Variants in CLEC16A observed in about 807,000 individuals in gnomAD.
CLEC16A encodes the protein C-type lectin domain containing 16A, also known as protein CLEC16A.
Under a neutral mutation model 109.5 loss-of-function variants are expected in CLEC16A, and 51 were observed. The observed-to-expected ratio is 0.47, with a 90% CI of 0.37 to 0.59. The LOEUF (loss-of-function observed/expected upper bound fraction) is 0.59, where lower values mean the gene tolerates loss of function less well. Ranked by LOEUF, CLEC16A falls within the 20% of genes least tolerant of loss-of-function variation. The probability of loss-of-function intolerance (pLI) is 0.00; values close to 1 mark genes in which losing one functional copy is unlikely to be tolerated. For missense variants in CLEC16A, 1,339 were observed against 1,394.0 expected (o/e 0.96, Z 0.63); for synonymous variants, 673 against 564.2 (o/e 1.19, Z -2.73).
chr16:10,957,362 G>A (rs1448191939), intron 1 of CLEC16A, among the ~76,000 whole-genome samples: 1 of 152,248 alleles, frequency 6.6e-6, no homozygotes, highest in East Asian at 1.9e-4. Flanking sequence ...TCCAGCCTGA[G>A]CTGTATGTCC....
chr16:10,998,579 TTTGGGTGAGC>T, intron 10 of CLEC16A, among the ~76,000 whole-genome samples: 1 of 152,338 alleles, frequency 6.6e-6, no homozygotes, highest in South Asian at 2.1e-4. Context: ...TTCTGGTTAG[TTTGGGTGAGC>T]TTGCTCTTTC....
At chr16:10,949,940 C>T (rs916633054) in intron 1 of CLEC16A, among the ~76,000 whole-genome samples, 1 of 152,230 alleles carries the variant, frequency 6.6e-6, no homozygotes, top group Admixed American at 6.5e-5. Context: ...ATCCAAATCC[C>T]TAGCTCTATC....
At chr16:11,158,947 G>GA (rs2054626147) in intron 22 of CLEC16A, among the ~76,000 whole-genome samples, 1 of 151,686 alleles carries the variant, frequency 6.6e-6, no homozygotes, top group African/African-American at 2.4e-5. Flanking sequence ...AGAGGCTGGA[G>GA]ACCCCTCTGG....
intron 12 of CLEC16A, chr16:11,024,585 G>T (rs1047135486): frequency 4.5e-6 from 2 of 440,060 alleles, no homozygotes; most frequent in African/African-American, 2.0e-5. Context: ...AATGATTGTT[G>T]TGTGACTAAG....
At chr16:11,017,642 T>C (rs78573173) in intron 11 of CLEC16A, among the ~76,000 whole-genome samples, 20,538 of 152,172 alleles carry the variant, frequency 0.13, 1,376 homozygotes, top group African/African-American at 0.14. Context: ...TATTGGAGAT[T>C]AACATCAACA....
intron 19 of CLEC16A, among the ~76,000 whole-genome samples, chr16:11,116,233 T>TAA (rs765905851): frequency 7.3e-6 from 1 of 136,444 alleles, no homozygotes; most frequent in Non-Finnish European, 1.6e-5. Flanking sequence ...CTACTAAAAA[T>TAA]AAAAAAAAAA....
chr16:11,160,400 C>G (rs537249666), intron 22 of CLEC16A, among the ~76,000 whole-genome samples: 1 of 152,140 alleles, frequency 6.6e-6, no homozygotes, highest in Non-Finnish European at 1.5e-5. Flanking sequence ...GACAAAAACT[C>G]GGTCCCATCT....
chr16:11,022,307 C>T (rs541087231), intron 12 of CLEC16A, among the ~76,000 whole-genome samples: 3 of 146,516 alleles, frequency 2.0e-5, no homozygotes, highest in Non-Finnish European at 3.0e-5. Flanking sequence ...GCAGTTGGGA[C>T]TACAGGCCAG....
At chr16:11,042,726 A>G (rs1313652358) in intron 15 of CLEC16A, among the ~76,000 whole-genome samples, 1 of 152,146 alleles carries the variant, frequency 6.6e-6, no homozygotes. Flanking sequence ...TGTGTTTAAA[A>G]TATATGTTAA....
chr16:10,982,974 G>A lies in CLEC16A; in HGVS notation c.1054G>A (p.Asp352Asn), dbSNP rs185058850. Reference protein sequence around the residue: ...LSEMYAKTEQDIQRSSAKPSI... With the variant: ...LSEMYAKTEQNIQRSSAKPSI... ...TGAGATGTACGCTAAGACTGAACAGGATATTCAGAGAAGTTCTGTAAGTCA... is the reference window on the plus strand; with the variant it reads ...TGAGATGTACGCTAAGACTGAACAGAATATTCAGAGAAGTTCTGTAAGTCA... Residue 352 changes from aspartate (D) to asparagine (N), a missense_variant, in exon 10 of 24, where the codon GAT becomes AAT. Coordinates refer to ENST00000409790, the MANE Select transcript of CLEC16A (RefSeq NM_015226.3). 15 of 1,601,680 alleles carry A rather than the reference G, an allele frequency of 9.4e-6. No individual in the cohort carries two copies. Among genetic ancestry groups the A allele is most frequent in the Non-Finnish European group, 1.2e-5 (14 of 1,168,744 alleles).
At chr16:11,028,999 A>AT (rs1295231100) in intron 13 of CLEC16A, among the ~76,000 whole-genome samples, 8 of 151,742 alleles carry the variant, frequency 5.3e-5, no homozygotes. Flanking sequence ...TCCTTCCCCC[A>AT]TTTTTTGCAT....
intron 3 of CLEC16A, 134 bp downstream of exon 3, chr16:10,962,722 G>A (rs1033988833): frequency 3.7e-5 from 36 of 967,856 alleles, no homozygotes; most frequent in Non-Finnish European, 5.1e-5. Flanking sequence ...GACTGAGTGG[G>A]TTAAACAATA....
intron 12 of CLEC16A, among the ~76,000 whole-genome samples, chr16:11,021,567 G>C (rs527673855): frequency 4.2e-4 from 64 of 152,326 alleles, no homozygotes; most frequent in East Asian, 9.6e-4. Context: ...GGAGGCCAAG[G>C]GGGGAGGATC....
At chr16:10,987,913 T>C (rs2043770958) in intron 10 of CLEC16A, among the ~76,000 whole-genome samples, 1 of 152,182 alleles carries the variant, frequency 6.6e-6, no homozygotes, top group African/African-American at 2.4e-5. Context: ...AAACCAAAAT[T>C]GAAGAGAGAG....
chr16:11,059,245 T>C (rs2048360102), intron 18 of CLEC16A, among the ~76,000 whole-genome samples: 1 of 152,210 alleles, frequency 6.6e-6, no homozygotes, highest in Non-Finnish European at 1.5e-5. Context: ...ACTACACTTC[T>C]TTTTCTCCCA....
At chr16:11,112,150 C>T (rs901869659) in intron 19 of CLEC16A, among the ~76,000 whole-genome samples, 2 of 152,110 alleles carry the variant, frequency 1.3e-5, no homozygotes, top group Non-Finnish European at 2.9e-5. Flanking sequence ...GGTGGCATGC[C>T]ACCATTTAAG....
At chr16:11,145,622 A>G (rs1441526283) in intron 22 of CLEC16A, among the ~76,000 whole-genome samples, 1 of 152,282 alleles carries the variant, frequency 6.6e-6, no homozygotes. Flanking sequence ...GCTGTAGAGC[A>G]TACGTTACCA....
chr16:10,962,142 G>C lies in CLEC16A; in HGVS notation c.210-313G>C, dbSNP rs187360334. Among the ~76,000 whole-genome samples, 361 of 151,688 alleles carry C rather than the reference G, an allele frequency of 2.4e-3. 1 individual carries two copies. The highest frequency in any genetic ancestry group is 8.1e-3 in the African/African-American group (336 of 41,366). Reference sequence around the variant, plus strand: ...TTTTTTTCTTCTCTGTAGAGGTAGGGGTCTTGTTATTTTGCCCAGGCTGGG... The same window carrying C: ...TTTTTTTCTTCTCTGTAGAGGTAGGCGTCTTGTTATTTTGCCCAGGCTGGG... On this transcript the variant is annotated intron_variant, in intron 2 of 23. Coordinates refer to ENST00000409790, the MANE Select transcript of CLEC16A (RefSeq NM_015226.3).
chr16:11,033,089 G>T (rs911362845), intron 13 of CLEC16A, among the ~76,000 whole-genome samples: 1 of 152,090 alleles, frequency 6.6e-6, no homozygotes, highest in East Asian at 1.9e-4. Context: ...TGCTGGCTGG[G>T]GAGTAGAGGA....
Sources: gnomAD v4.1 joint callset for allele counts (sites outside exome capture counted in the v4.1 genomes callset) on GRCh38, gnomAD v4.1.1 for gene constraint, MANE v1.5 for transcripts, NCBI Gene and HGNC (gene_info 2026-07-23, HGNC 2026-07-21) for gene names.